Variants in RASGRF2 observed in about 807,000 individuals in gnomAD.
RASGRF2 encodes ras-specific guanine nucleotide-releasing factor 2.
A neutral mutation model predicts 151.0 loss-of-function variants in RASGRF2; 76 were observed. The ratio of observed to expected loss-of-function variants is 0.50; its 90% CI spans 0.42 to 0.61. The LOEUF is 0.61. Among genes scored for constraint, RASGRF2 ranks in the 20% least tolerant of loss-of-function variants. The pLI is 0.00. For synonymous variants in RASGRF2, 504 were observed against 566.5 expected (o/e 0.89, Z 1.57); for missense variants, 1,148 against 1,564.6 (o/e 0.73, Z 4.49).
At chr5:81,142,576 T>C (rs935529232) in intron 17 of RASGRF2, among the ~76,000 whole-genome samples, 1 of 152,196 alleles carries the variant, frequency 6.6e-6, no homozygotes, top group Non-Finnish European at 1.5e-5. Context: ...CCTTGCCTTA[T>C]TTCTTATTCA....
At chr5:81,175,755 C>CAA (rs33931356) in intron 17 of RASGRF2, among the ~76,000 whole-genome samples, 2 of 99,536 alleles carry the variant, frequency 2.0e-5, no homozygotes, top group African/African-American at 3.7e-5. Context: ...AACTCCGTCT[C>CAA]AAAAAAAAAA....
At chr5:80,987,884 T>C (rs1748522102) in intron 1 of RASGRF2, among the ~76,000 whole-genome samples, 1 of 152,170 alleles carries the variant, frequency 6.6e-6, no homozygotes, top group African/African-American at 2.4e-5. Flanking sequence ...CCAAGCATTA[T>C]TTTCTTAGAA....
Position 80,961,879 on chromosome 5 carries a change from T to C in RASGRF2, c.288+853T>C, listed in dbSNP as rs538770236. ...AAGTTTGTATGTTTCCAATCACCGT[T>C]TGGTTATTAAAGTTAAAGCAGACTA... On this transcript the variant is annotated intron_variant, in intron 1 of 26. Transcript: ENST00000265080. 2.0e-5 allele frequency among the ~76,000 whole-genome samples: 3 copies of C among 152,314 alleles called. No individual in the cohort carries two copies. In the South Asian group the frequency reaches 6.2e-4, roughly 32 times the overall value.
chr5:80,975,437 G>T (rs758693991), intron 1 of RASGRF2, among the ~76,000 whole-genome samples: 20 of 151,816 alleles, frequency 1.3e-4, no homozygotes, highest in South Asian at 6.2e-4. Flanking sequence ...TTTTAATCTT[G>T]AGTTTAAAAG....
At chr5:81,201,464 G>C (rs771794235) in intron 19 of RASGRF2, 22 bp downstream of exon 19, 1 of 1,600,952 alleles carries the variant, frequency 6.2e-7, no homozygotes, top group Non-Finnish European at 8.5e-7. Flanking sequence ...TGAAGATGCC[G>C]ACTGGATGAC....
chr5:81,013,577 T>C (rs1404964325), intron 1 of RASGRF2, among the ~76,000 whole-genome samples: 1 of 151,164 alleles, frequency 6.6e-6, no homozygotes, highest in Non-Finnish European at 1.5e-5. Flanking sequence ...GTTATATATG[T>C]TGTCCCAAAT....
At chr5:81,149,456 A>G (rs1421889233) in intron 17 of RASGRF2, among the ~76,000 whole-genome samples, 5 of 150,244 alleles carry the variant, frequency 3.3e-5, no homozygotes, top group East Asian at 2.0e-4. Flanking sequence ...GAATGACACA[A>G]TGGACTTTGG....
intron 8 of RASGRF2, among the ~76,000 whole-genome samples, 161 bp downstream of exon 8, chr5:81,086,072 C>T (rs573867373): frequency 6.6e-5 from 10 of 152,272 alleles, no homozygotes; most frequent in African/African-American, 2.4e-4. Context: ...GATATTGAAT[C>T]ATCATTCACA....
At chr5:81,049,603 C>T (rs932818086) in intron 2 of RASGRF2, among the ~76,000 whole-genome samples, 3 of 152,170 alleles carry the variant, frequency 2.0e-5, no homozygotes, top group South Asian at 2.1e-4. Flanking sequence ...CTTCCTGTCT[C>T]GTCACTTGGA....
chr5:81,209,587 C>T (rs1435562805), intron 22 of RASGRF2, among the ~76,000 whole-genome samples: 1 of 152,174 alleles, frequency 6.6e-6, no homozygotes, highest in Non-Finnish European at 1.5e-5. Context: ...TGCTACCACA[C>T]AATGAGCTTC....
chr5:81,027,275 T>C, intron 1 of RASGRF2, among the ~76,000 whole-genome samples: 1 of 152,096 alleles, frequency 6.6e-6, no homozygotes, highest in East Asian at 1.9e-4. Context: ...GTTCATCAAC[T>C]GTAACAAACA....
At chr5:81,211,778 G>A (rs577686375) in intron 22 of RASGRF2, among the ~76,000 whole-genome samples, 195 of 152,130 alleles carry the variant, frequency 1.3e-3, no homozygotes, top group Non-Finnish European at 2.1e-3. Flanking sequence ...ATAAAATTAC[G>A]GTACTTAGCC....
At position 81,208,341 on chromosome 5, in the gene RASGRF2, T is replaced by G; in HGVS notation, c.3072-13T>G. 1 of 1,611,706 alleles carries G rather than the reference T, an allele frequency of 6.2e-7. No homozygotes were observed. On this transcript the variant is annotated splice_polypyrimidine_tract_variant and intron_variant, in intron 21 of 26. Transcript: ENST00000265080. ...AAACTTAATTGGTTTTGTGTTTTGT[T>G]TTGAACTTCCAGGGAGTTTCTTGGG...
intron 5 of RASGRF2, 147 bp from the exon 6 acceptor site, chr5:81,079,974 A>G (rs190408): frequency 0.48 from 511,254 of 1,063,578 alleles, 124,663 homozygotes; most frequent in East Asian, 0.53. Flanking sequence ...ATTGAGGATA[A>G]TATAATCCAT....
chr5:80,992,275 C>A (rs1434918956), intron 1 of RASGRF2, among the ~76,000 whole-genome samples: 1 of 135,918 alleles, frequency 7.4e-6, no homozygotes, highest in Non-Finnish European at 1.6e-5. Flanking sequence ...TAGGTCCCTG[C>A]CTCTTAAGGT....
intron 1 of RASGRF2, among the ~76,000 whole-genome samples, chr5:81,030,611 G>A (rs1307954338): frequency 1.3e-5 from 2 of 152,174 alleles, no homozygotes; most frequent in Non-Finnish European, 2.9e-5. Flanking sequence ...GAGAGATTTT[G>A]TCACCACCAG....
At chr5:80,963,386 C>A (rs1677109033) in intron 1 of RASGRF2, among the ~76,000 whole-genome samples, 1 of 152,218 alleles carries the variant, frequency 6.6e-6, no homozygotes, top group South Asian at 2.1e-4. Flanking sequence ...GAGGCAGAGT[C>A]ATTTTTCTTC....
At chr5:81,117,667 T>C (rs746493378) in intron 15 of RASGRF2, among the ~76,000 whole-genome samples, 13 of 152,160 alleles carry the variant, frequency 8.5e-5, no homozygotes, top group Non-Finnish European at 1.6e-4. Context: ...CCCCAAAGTC[T>C]TAACTTGTTT....
At chr5:81,023,263 T>C (rs1749894475) in intron 1 of RASGRF2, among the ~76,000 whole-genome samples, 1 of 152,228 alleles carries the variant, frequency 6.6e-6, no homozygotes, top group Non-Finnish European at 1.5e-5. Flanking sequence ...ATTGTCATTG[T>C]AGATATTGAA....
Sources: gnomAD v4.1 joint callset for allele counts (sites outside exome capture counted in the v4.1 genomes callset) on GRCh38, gnomAD v4.1.1 for gene constraint, MANE v1.5 for transcripts, NCBI Gene and HGNC (gene_info 2026-07-23, HGNC 2026-07-21) for gene names.